The following COL17A1 variants were observed in gnomAD, a reference collection of about 807,000 sequenced individuals.
COL17A1 encodes the protein collagen type XVII alpha 1 chain.
A neutral mutation model predicts 218.4 loss-of-function variants in COL17A1; 181 were observed. That is an observed-to-expected ratio of 0.83 (90% CI 0.73 to 0.94). The LOEUF (loss-of-function observed/expected upper bound fraction) is 0.94, where lower values mean the gene tolerates loss of function less well. Ranked by LOEUF, COL17A1 falls within the 40% of genes least tolerant of loss-of-function variation. COL17A1 has a pLI of 0.00. For missense variants in COL17A1, 1,924 were observed against 1,945.9 expected (o/e 0.99, Z 0.21); for synonymous variants, 721 against 731.0 (o/e 0.99, Z 0.22).
chr10:104,056,455 G>A (rs1238554638), intron 17 of COL17A1, among the ~76,000 whole-genome samples: 1 of 151,956 alleles, frequency 6.6e-6, no homozygotes, highest in South Asian at 2.1e-4. Flanking sequence ...GGTGACATGC[G>A]CCTGTAGTCC....
intron 9 of COL17A1, among the ~76,000 whole-genome samples, chr10:104,065,431 A>G (rs1446479074): frequency 6.6e-6 from 1 of 152,174 alleles, no homozygotes; most frequent in Non-Finnish European, 1.5e-5. Context: ...GGGACATGTA[A>G]TATGGAACAG....
chr10:104,064,220 T>C (rs1307114454), intron 10 of COL17A1, among the ~76,000 whole-genome samples: 1 of 152,200 alleles, frequency 6.6e-6, no homozygotes, highest in Non-Finnish European at 1.5e-5. Flanking sequence ...GTTTTCCTGA[T>C]ACACCGTGCT....
rs761063471 is a variant in COL17A1 at position 104,055,876 on chromosome 10, C to T, written c.1593G>A (p.Ala531=). The part of the protein sequence containing the change: ...KDRLQGMAPA[A]GADLDKIGLH... Reference sequence around the variant, plus strand: ...GCCCAATTTTGTCCAGGTCTGCTCCCGCCGCGGGTGCCATGCCCTGGAGGC... The same window carrying T: ...GCCCAATTTTGTCCAGGTCTGCTCCTGCCGCGGGTGCCATGCCCTGGAGGC... Residue 531 remains alanine, a synonymous_variant, in exon 18 of 56, where the codon GCG becomes GCA. Coordinates refer to ENST00000648076, the MANE Select transcript of COL17A1 (RefSeq NM_000494.4). 28 of 1,614,084 alleles carry T rather than the reference C, an allele frequency of 1.7e-5. No homozygotes were observed. The highest frequency in any genetic ancestry group is 2.2e-5 in the East Asian group (1 of 44,882).
chr10:104,057,670 G>C (rs1047835976), intron 16 of COL17A1, among the ~76,000 whole-genome samples: 1 of 151,654 alleles, frequency 6.6e-6, no homozygotes, highest in African/African-American at 2.4e-5. Context: ...CTCTTCAGGG[G>C]TGCCTAGTGA....
At chr10:104,048,185 G>A in intron 29 of COL17A1, 81 bp from the exon 30 acceptor site, 1 of 1,487,638 alleles carries the variant, frequency 6.7e-7, no homozygotes, top group Non-Finnish European at 9.4e-7. Context: ...CAGTGGCCTT[G>A]AAGCACATTG....
In COL17A1 at chr10:104,033,944, C is replaced by T. The variant is rs373469159; in HGVS notation, c.4156+1G>A. 38 of 1,614,078 alleles carry T rather than the reference C, an allele frequency of 2.4e-5. No individual in the cohort carries two copies. The highest frequency in any genetic ancestry group is 6.7e-5 in the Admixed American group (4 of 60,014). On this transcript the variant is annotated splice_donor_variant, in intron 52 of 55. Coordinates refer to ENST00000648076, the MANE Select transcript of COL17A1 (RefSeq NM_000494.4). LOFTEE classifies it high-confidence loss of function. The stretch of plus-strand genomic sequence containing the variant: ...ACCAAGGCCTAAATGTCCCCACTTA[C>T]GCTGCATGCTCTCTGACACCCTCAC...
At chr10:104,048,828 T>C (rs1437081389) in intron 29 of COL17A1, among the ~76,000 whole-genome samples, 3 of 149,680 alleles carry the variant, frequency 2.0e-5, no homozygotes, top group Non-Finnish European at 4.4e-5. Flanking sequence ...CTCAACATGG[T>C]CTTTTTTTTT....
chr10:104,042,382 G>A (rs2086368768), intron 36 of COL17A1, 38 bp downstream of exon 36: 2 of 1,611,998 alleles, frequency 1.2e-6, no homozygotes, highest in East Asian at 4.5e-5. Flanking sequence ...CCTCCCGACT[G>A]GGCCCATCGC....
intron 20 of COL17A1, among the ~76,000 whole-genome samples, chr10:104,054,630 C>T (rs763289985): frequency 4.6e-5 from 7 of 152,128 alleles, no homozygotes; most frequent in Admixed American, 2.0e-4. Flanking sequence ...TCATCTTGAA[C>T]GTGGTGCTCA....
At chr10:104,050,825 C>T in intron 26 of COL17A1, 23 bp downstream of exon 26, 1 of 1,614,168 alleles carries the variant, frequency 6.2e-7, no homozygotes, top group African/African-American at 1.3e-5. Flanking sequence ...CTCACTGTCC[C>T]CCCAGGCCTC....
At chr10:104,041,946 C>T (rs866529826) in intron 36 of COL17A1, among the ~76,000 whole-genome samples, 1 of 152,174 alleles carries the variant, frequency 6.6e-6, no homozygotes, top group Non-Finnish European at 1.5e-5. Flanking sequence ...TGGGAAGACT[C>T]GGTGAAACAC....
intron 16 of COL17A1, among the ~76,000 whole-genome samples, chr10:104,057,902 T>C (rs2086546084): frequency 6.6e-6 from 1 of 151,820 alleles, no homozygotes; most frequent in Admixed American, 6.6e-5. Flanking sequence ...TAGGGGCAGC[T>C]GGGGGCGGGG....
rs1451146518 is a variant in COL17A1, at chr10:104,064,614, C to T, written c.608-18G>A. 1 of 1,606,132 alleles carries T rather than the reference C, an allele frequency of 6.2e-7. No individual in the cohort carries two copies. Among genetic ancestry groups the T allele is most frequent in the Non-Finnish European group, 8.5e-7 (1 of 1,174,936 alleles). On this transcript the variant is annotated intron_variant, in intron 9 of 55. Coordinates refer to ENST00000648076, the MANE Select transcript of COL17A1 (RefSeq NM_000494.4). ...GCCTGACACTGGAAACAGACACATG[C>T]ACACACCCCAGTGAGAGACAAATCA...
In COL17A1 at chr10:104,047,763, G is replaced by A. The variant is rs781370587; in HGVS notation, c.2311C>T (p.Pro771Ser). ...CCTGGCTTTCCTGGGTCTCCAGAAGGTCCTGGTGGGCCACGGATTCCAGGC... is the reference window on the plus strand; with the variant it reads ...CCTGGCTTTCCTGGGTCTCCAGAAGATCCTGGTGGGCCACGGATTCCAGGC... Reference protein sequence around the residue: ...GMPGIRGPPGPSGDPGKPGLT... With the variant: ...GMPGIRGPPGSSGDPGKPGLT... The change falls in exon 31 of 56, where the codon CCT becomes TCT. Residue 771 changes from proline (P) to serine (S), a missense_variant. Transcript: ENST00000648076. The A allele has an allele frequency of 5.0e-6, 8 of 1,614,188 alleles. No individual in the cohort carries two copies. The South Asian group carries it at 8.8e-5, about 18-fold the overall frequency.
chr10:104,040,570 G>A (rs368142276), intron 39 of COL17A1, among the ~76,000 whole-genome samples, 160 bp from the exon 40 acceptor site: 12 of 150,126 alleles, frequency 8.0e-5, no homozygotes, highest in African/African-American at 2.7e-4. Flanking sequence ...GGGCGGGTGG[G>A]TGGATGGATG....
chr10:104,077,361 C>A, intron 4 of COL17A1, 61 bp downstream of exon 4: 4 of 1,350,816 alleles, frequency 3.0e-6, no homozygotes, highest in Non-Finnish European at 4.2e-6. Flanking sequence ...GTAGGACTTT[C>A]TTGGTGTCTC....
chr10:104,074,331 G>A lies in COL17A1; in HGVS notation c.332-100C>T, dbSNP rs377243128. The A allele has an allele frequency of 1.6e-5, 25 of 1,530,638 alleles. No individual in the cohort carries two copies. The East Asian group carries it at 4.5e-4, about 28-fold the overall frequency. The allele number at this position is 1,530,638 out of a possible 1,614,324, so 94.8% of individuals were successfully genotyped here. A position where few individuals can be genotyped will look rare whatever the true frequency, so the allele number is the denominator to read the frequency against. On this transcript the variant is annotated intron_variant, in intron 5 of 55. Coordinates refer to ENST00000648076, the MANE Select transcript of COL17A1 (RefSeq NM_000494.4). ...TGTTACTTATTTCTGGACCTCCACA[G>A]CCCTCAGTGTTTCAGGGGGGAATGA...
rs535010485 is a variant in COL17A1, at chr10:104,042,447, C to G, written c.2524G>C (p.Gly842Arg). ...TGATGTCCTGGGAGACCAGCTGGGC[C>G]GGCAGGGCCTGGAAACGGGGTTGAG... is the stretch of plus-strand genomic sequence containing the variant. ...PGPPGAPGPA[G>R]PAGLPGHQEV... Residue 842 changes from glycine (G) to arginine (R), a missense_variant, in exon 36 of 56, where the codon GGC becomes CGC. By Grantham distance (125) the Gly-to-Arg change is moderately radical. Transcript: ENST00000648076. 7 of 1,614,048 alleles carry G rather than the reference C, an allele frequency of 4.3e-6. No individual in the cohort carries two copies. Among genetic ancestry groups the G allele is most frequent in the Non-Finnish European group, 5.9e-6 (7 of 1,180,042 alleles).
chr10:104,076,498 C>G (rs2086712008), intron 4 of COL17A1, 69 bp from the exon 5 acceptor site: 2 of 1,606,582 alleles, frequency 1.2e-6, no homozygotes, highest in Non-Finnish European at 1.7e-6. Flanking sequence ...CTACTGTGAC[C>G]CAGCTATATT....
Sources: allele counts gnomAD v4.1 joint callset (sites outside exome capture counted in the v4.1 genomes callset), GRCh38; gene constraint gnomAD v4.1.1; transcripts MANE v1.5; gene names NCBI Gene and HGNC (gene_info 2026-07-23, HGNC 2026-07-21).